The following MEI4 variants were observed in gnomAD, a reference collection of about 807,000 sequenced individuals.
MEI4 encodes meiotic double-stranded break formation protein 4.
In MEI4, 27 loss-of-function variants were observed where a neutral mutation model predicts 31.4. That is an observed-to-expected ratio of 0.86 (90% CI 0.63 to 1.19). MEI4 has a LOEUF of 1.19. Among genes scored for constraint, MEI4 ranks in the 50% most tolerant of loss-of-function variants. MEI4 has a pLI of 0.00. For synonymous variants in MEI4, 122 were observed against 145.4 expected, an observed-to-expected ratio of 0.84 and a Z score of 1.16; for missense variants, 329 against 398.9, an observed-to-expected ratio of 0.82 and a Z score of 1.49.
At chr6:77,681,120 G>T (rs1768949235) in intron 1 of MEI4, among the ~76,000 whole-genome samples, 1 of 152,118 alleles carries the variant, frequency 6.6e-6, no homozygotes, top group Non-Finnish European at 1.5e-5. Context: ...CCCTGGCTCA[G>T]CTGGTCCTGA....
At chr6:77,733,338 T>G (rs2127668892) in intron 2 of MEI4, among the ~76,000 whole-genome samples, 1 of 152,224 alleles carries the variant, frequency 6.6e-6, no homozygotes, top group East Asian at 1.9e-4. Context: ...ATTCAACTTC[T>G]TCCTGGTTTA....
intron 1 of MEI4, among the ~76,000 whole-genome samples, chr6:77,686,044 A>T (rs947951624): frequency 6.6e-6 from 1 of 151,978 alleles, no homozygotes; most frequent in Non-Finnish European, 1.5e-5. Context: ...CTGGTTGTGA[A>T]AAAGAGTCTG....
At chr6:77,857,634 C>A (rs1317350640) in intron 4 of MEI4, among the ~76,000 whole-genome samples, 1 of 152,130 alleles carries the variant, frequency 6.6e-6, no homozygotes, top group East Asian at 1.9e-4. Context: ...CACTTTAAAT[C>A]ACTGGGGCCA....
chr6:77,734,869 G>C (rs1023731439), intron 2 of MEI4, among the ~76,000 whole-genome samples: 2 of 151,598 alleles, frequency 1.3e-5, no homozygotes, highest in African/African-American at 2.4e-5. Context: ...GTCTGTAAAG[G>C]ATTTTATTTC....
At chr6:77,692,407 A>C (rs1769174062) in intron 2 of MEI4, among the ~76,000 whole-genome samples, 1 of 152,038 alleles carries the variant, frequency 6.6e-6, no homozygotes, top group African/African-American at 2.4e-5. Context: ...CTTGTTGCCC[A>C]GCTCAAAGCC....
chr6:77,747,084 G>C (rs1217889711), intron 2 of MEI4, among the ~76,000 whole-genome samples: 2 of 152,076 alleles, frequency 1.3e-5, no homozygotes, highest in Non-Finnish European at 2.9e-5. Context: ...GGCTGAGGCG[G>C]GCAGATCACC....
intron 4 of MEI4, among the ~76,000 whole-genome samples, chr6:77,890,291 T>C (rs1324866230): frequency 6.6e-6 from 1 of 152,216 alleles, no homozygotes; most frequent in Non-Finnish European, 1.5e-5. Context: ...CCCAAGGCCA[T>C]GGGAGCCCAC....
chr6:77,686,354 A>G (rs1192652236), intron 1 of MEI4, among the ~76,000 whole-genome samples: 1 of 151,972 alleles, frequency 6.6e-6, no homozygotes, highest in Non-Finnish European at 1.5e-5. Flanking sequence ...TTGGTCAGTA[A>G]GTCTGTCTTT....
chr6:77,686,325 G>A (rs78561682), intron 1 of MEI4, among the ~76,000 whole-genome samples: 74 of 152,180 alleles, frequency 4.9e-4, no homozygotes, highest in African/African-American at 1.7e-3. Flanking sequence ...TCAACTCATG[G>A]TGAAGGGTTG....
chr6:77,794,560 TCAAAA>T lies in MEI4; in HGVS notation c.768+32906_768+32910del, dbSNP rs561956720. Among the ~76,000 whole-genome samples, 273 of 152,174 alleles carry T rather than the reference TCAAAA, an allele frequency of 1.8e-3. 1 individual carries two copies. The highest frequency in any genetic ancestry group is 2.7e-3 in the Non-Finnish European group (186 of 68,008). ...CTGGGTGACAGAGTGAGACTCTGTCTCAAAACAAAACAAAAAACCTAACATCAAAG... is the reference window on the plus strand; with the variant it reads ...CTGGGTGACAGAGTGAGACTCTGTCTCAAAACAAAAAACCTAACATCAAAG... On this transcript the variant is annotated intron_variant, in intron 3 of 4. Transcript: ENST00000684080.
chr6:77,660,161 A>G (rs1768477511), intron 1 of MEI4, among the ~76,000 whole-genome samples: 1 of 152,090 alleles, frequency 6.6e-6, no homozygotes, highest in Non-Finnish European at 1.5e-5. Context: ...CACTGGAAGA[A>G]AGGGAAATGC....
intron 1 of MEI4, among the ~76,000 whole-genome samples, chr6:77,679,728 T>C (rs1031281163): frequency 1.3e-5 from 2 of 151,846 alleles, no homozygotes; most frequent in Admixed American, 6.6e-5. Context: ...TGCTTTATGC[T>C]GTTTATTGGT....
chr6:77,863,426 C>T lies in MEI4; in HGVS notation c.900+34364C>T, dbSNP rs185792797. Among the ~76,000 whole-genome samples the T allele has an allele frequency of 2.8e-4, 42 of 151,942 alleles. 2 individuals carry two copies. The East Asian group carries it at 3.1e-3, about 11-fold the overall frequency. On this transcript the variant is annotated intron_variant, in intron 4 of 4. Transcript: ENST00000684080. ...GCTGAAAACCAAGGCACGGGAACTA[C>T]GTGACAAATGCACAAGCCTCAGTAG...
intron 2 of MEI4, among the ~76,000 whole-genome samples, chr6:77,734,003 T>C (rs1241128929): frequency 1.3e-5 from 2 of 152,108 alleles, no homozygotes; most frequent in East Asian, 3.8e-4. Context: ...TAGTTTGTTA[T>C]AATTTCTTTT....
chr6:77,779,958 A>C (rs1376163702), intron 3 of MEI4, among the ~76,000 whole-genome samples: 2 of 152,196 alleles, frequency 1.3e-5, no homozygotes, highest in Non-Finnish European at 2.9e-5. Flanking sequence ...GTTAACTCAA[A>C]TGGATGGGTA....
intron 4 of MEI4, among the ~76,000 whole-genome samples, chr6:77,844,981 C>T (rs1032525473): frequency 3.3e-5 from 5 of 152,014 alleles, no homozygotes; most frequent in Admixed American, 6.6e-5. Flanking sequence ...TCTTCAGAGA[C>T]GTTTTTTCAC....
chr6:77,680,128 A>AAAAAAAT (rs1247876878), intron 1 of MEI4, among the ~76,000 whole-genome samples: 1 of 115,600 alleles, frequency 8.7e-6, no homozygotes, highest in Non-Finnish European at 1.9e-5. Flanking sequence ...AAAAAAAAAA[A>AAAAAAAT]ATTAGCTGGG....
At chr6:77,755,585 AC>A (rs1767895070) in intron 2 of MEI4, among the ~76,000 whole-genome samples, 1 of 151,952 alleles carries the variant, frequency 6.6e-6, no homozygotes, top group South Asian at 2.1e-4. Context: ...CACCCGGCTA[AC>A]TTTTGTATTT....
At chr6:77,916,503 G>A (rs771355484) in intron 4 of MEI4, among the ~76,000 whole-genome samples, 1 of 151,988 alleles carries the variant, frequency 6.6e-6, no homozygotes, top group Admixed American at 6.6e-5. Flanking sequence ...CTGGGAGCAT[G>A]CATTGTGTGG....
Sources: allele counts gnomAD v4.1 joint callset (sites outside exome capture counted in the v4.1 genomes callset), GRCh38; gene constraint gnomAD v4.1.1; transcripts MANE v1.5; gene names NCBI Gene and HGNC (gene_info 2026-07-23, HGNC 2026-07-21).